Variants in SLC2A9 observed in about 807,000 individuals in gnomAD.
The protein encoded by SLC2A9 is solute carrier family 2 member 9, also known as solute carrier family 2, facilitated glucose transporter member 9.
SLC2A9 carries 39 observed loss-of-function variants against 50.6 expected under a neutral mutation model. The observed-to-expected ratio is 0.77, with a 90% CI of 0.60 to 1.01. SLC2A9 has a LOEUF of 1.01. Ranked by LOEUF, SLC2A9 falls within the 50% of genes least tolerant of loss-of-function variation. The pLI, the probability that SLC2A9 is intolerant of heterozygous loss-of-function variation, is 0.00. For missense variants in SLC2A9, 686 were observed against 677.6 expected (o/e 1.01, Z -0.14); for synonymous variants, 324 against 276.9 (o/e 1.17, Z -1.69).
At chr4:9,879,410 G>A in intron 10 of SLC2A9, 1 of 985,318 alleles carries the variant, frequency 1.0e-6, no homozygotes, top group Non-Finnish European at 1.2e-6. Flanking sequence ...GTTTGTGCGT[G>A]TGGGGCAGGG....
intron 2 of SLC2A9, among the ~76,000 whole-genome samples, chr4:9,999,259 C>G (rs1360529057): frequency 6.6e-6 from 1 of 151,872 alleles, no homozygotes; most frequent in Non-Finnish European, 1.5e-5. Context: ...GGAGGTCTCG[C>G]CATGTTCCCC....
chr4:9,831,766 G>A (rs1726187193), intron 11 of SLC2A9, among the ~76,000 whole-genome samples: 1 of 152,232 alleles, frequency 6.6e-6, no homozygotes, highest in South Asian at 2.1e-4. Flanking sequence ...GGACTAAGCA[G>A]CCAAGACAGG....
rs138036786 is a variant in SLC2A9, at chr4:9,844,684, C to T, written c.1292-9676G>A. 3.3e-5 allele frequency among the ~76,000 whole-genome samples: 5 copies of T among 152,350 alleles called. No individual in the cohort carries two copies. The East Asian group carries it at 5.8e-4, about 18-fold the overall frequency. On this transcript the variant is annotated intron_variant, in intron 10 of 11. Transcript: ENST00000264784. ...CAACCAAGCTGTCTTGTGGCGACAG[C>T]GCCCTGGTGTCTACAGTGAGGAACA...
chr4:9,875,874 G>A (rs1734237162), intron 10 of SLC2A9, among the ~76,000 whole-genome samples: 2 of 152,190 alleles, frequency 1.3e-5, no homozygotes, highest in Non-Finnish European at 2.9e-5. Context: ...AACCTCCATT[G>A]GCACTGGGCA....
chr4:9,967,250 C>T (rs1039346355), intron 5 of SLC2A9, among the ~76,000 whole-genome samples: 1 of 152,026 alleles, frequency 6.6e-6, no homozygotes, highest in Non-Finnish European at 1.5e-5. Flanking sequence ...CATCAGGTTG[C>T]AAAATAATCA....
chr4:9,974,675 T>C (rs1287564788), intron 5 of SLC2A9, among the ~76,000 whole-genome samples: 4 of 152,312 alleles, frequency 2.6e-5, no homozygotes, highest in Non-Finnish European at 4.4e-5. Context: ...ATAGCAATAC[T>C]GCCCAAAGCA....
chr4:9,825,528 A>C (rs904234361), downstream of SLC2A9, among the ~76,000 whole-genome samples: 1 of 25,370 alleles, frequency 3.9e-5, no homozygotes, highest in African/African-American at 1.2e-4. Flanking sequence ...CCAATTAATC[A>C]CAATGTTTTT....
At chr4:10,019,257 C>G (rs921694239) in intron 1 of SLC2A9, 184 bp from the exon 2 acceptor site, 4 of 604,994 alleles carry the variant, frequency 6.6e-6, no homozygotes, top group Non-Finnish European at 1.2e-5. Context: ...CAGTCCAGGT[C>G]CGCGTGCGCA....
intron 10 of SLC2A9, among the ~76,000 whole-genome samples, chr4:9,849,059 G>C (rs2109297817): frequency 6.6e-6 from 1 of 152,310 alleles, no homozygotes; most frequent in South Asian, 2.1e-4. Context: ...CGTTCAGTGA[G>C]AGCCTGGGCT....
chr4:9,994,996 A>T (rs1006901489), intron 3 of SLC2A9, among the ~76,000 whole-genome samples: 5 of 152,146 alleles, frequency 3.3e-5, no homozygotes, highest in African/African-American at 1.2e-4. Flanking sequence ...GTTGTCAAAC[A>T]GTCATGGTTT....
At chr4:9,806,310 C>G (rs1374615450) in intron 3 of SLC2A9, among the ~76,000 whole-genome samples, 3 of 152,266 alleles carry the variant, frequency 2.0e-5, no homozygotes, top group Admixed American at 2.0e-4. Flanking sequence ...CGTTCTTAAA[C>G]AACAAACAAC....
At chr4:9,907,055 C>A (rs1241422763) in intron 8 of SLC2A9, among the ~76,000 whole-genome samples, 1 of 152,214 alleles carries the variant, frequency 6.6e-6, no homozygotes, top group African/African-American at 2.4e-5. Context: ...CAATTGCAAG[C>A]CTCTGCCTGT....
intron 7 of SLC2A9, among the ~76,000 whole-genome samples, chr4:9,912,170 T>C (rs1741957088): frequency 6.6e-6 from 1 of 151,936 alleles, no homozygotes; most frequent in Admixed American, 6.6e-5. Context: ...GGGAGAGCAT[T>C]AGGAGATATA....
rs756728022 is a variant in SLC2A9, at chr4:9,834,960, C to T, written c.1340G>A (p.Arg447Gln). The change falls in exon 11 of 12, where the codon CGG (arginine) becomes CAG (glutamine). Residue 447 changes from arginine to glutamine, a missense_variant. Arg to Gln is a conservative substitution (Grantham distance 43). Transcript: ENST00000264784. ...GCCTGCAATGATGAAGGCAGCCGGCCGCTGAGATTGCTGGAAGAACTCACC... is the reference window on the plus strand; with the variant it reads ...GCCTGCAATGATGAAGGCAGCCGGCTGCTGAGATTGCTGGAAGAACTCACC... ...LTGEFFQQSQ[R>Q]PAAFIIAGTV... The T allele has an allele frequency of 8.4e-5, 136 of 1,613,828 alleles. 2 individuals carry two copies. The South Asian group carries it at 1.3e-3, about 16-fold the overall frequency.
chr4:9,871,938 G>A (rs1733510548), intron 10 of SLC2A9, among the ~76,000 whole-genome samples: 1 of 152,142 alleles, frequency 6.6e-6, no homozygotes, highest in Non-Finnish European at 1.5e-5. Context: ...CACCAATTCT[G>A]GAGGCTTCCA....
rs1264801130 is a variant in SLC2A9 at position 9,890,521 on chromosome 4, G to T, written c.1215+89C>A. 11 of 1,199,228 alleles carry T rather than the reference G, an allele frequency of 9.2e-6. No homozygotes were observed. The East Asian group carries it at 2.6e-4, about 28-fold the overall frequency. The allele number at this position is 1,199,228 out of a possible 1,614,324, so 74.3% of individuals were successfully genotyped here. A position where few individuals can be genotyped will look rare whatever the true frequency, so the allele number is the denominator to read the frequency against. ...TCACAAGTGTTTTCTGTAGAAGTAT[G>T]AACCCACAAATCAAAGGCCCCAAAA... On this transcript the variant is annotated intron_variant, in intron 9 of 11. Coordinates refer to ENST00000264784, the MANE Select transcript of SLC2A9 (RefSeq NM_020041.3).
At chr4:9,918,061 C>T (rs923084873) in intron 7 of SLC2A9, among the ~76,000 whole-genome samples, 3 of 152,042 alleles carry the variant, frequency 2.0e-5, no homozygotes, top group Admixed American at 6.6e-5. Context: ...GTGAGTCACA[C>T]GTCCTTCATC....
At chr4:9,874,410 A>C (rs1026818221) in intron 10 of SLC2A9, among the ~76,000 whole-genome samples, 8 of 152,194 alleles carry the variant, frequency 5.3e-5, no homozygotes, top group African/African-American at 1.9e-4. Context: ...GTGTACCCCC[A>C]CAGCTGTCTG....
At position 9,810,820 on chromosome 4, in the gene SLC2A9, G is replaced by A. The variant is rs77392502; in HGVS notation, n.421-11579C>T. Among the ~76,000 whole-genome samples, 498 of 152,304 alleles carry A rather than the reference G, an allele frequency of 3.3e-3. 4 individuals carry two copies. The highest frequency in any genetic ancestry group is 0.011 in the African/African-American group (471 of 41,556). On this transcript the variant is annotated intron_variant and non_coding_transcript_variant, in intron 3 of 3. Coordinates refer to the SLC2A9 transcript ENST00000503280. Reference sequence around the variant, plus strand: ...GGACAGGTTGAGCCTGTAAGCTGGGGCATTTTCATCCTGGAAGGGCCAGTG... The same window carrying A: ...GGACAGGTTGAGCCTGTAAGCTGGGACATTTTCATCCTGGAAGGGCCAGTG...
Sources: allele counts gnomAD v4.1 joint callset (sites outside exome capture counted in the v4.1 genomes callset), GRCh38; gene constraint gnomAD v4.1.1; transcripts MANE v1.5; gene names NCBI Gene and HGNC (gene_info 2026-07-23, HGNC 2026-07-21).